The following LRRIQ3 variants were observed in gnomAD, a reference collection of about 807,000 sequenced individuals.
The protein encoded by LRRIQ3 is leucine rich repeats and IQ motif containing 3, also known as leucine-rich repeat and IQ domain-containing protein 3.
LRRIQ3 carries 75 observed loss-of-function variants against 59.3 expected under a neutral mutation model. That is an observed-to-expected ratio of 1.26 (90% confidence interval 1.05 to 1.53). The LOEUF is 1.53. Among genes scored for constraint, LRRIQ3 ranks in the 40% most tolerant of loss-of-function variants. The pLI, the probability that LRRIQ3 is intolerant of heterozygous loss-of-function variation, is 0.00. For synonymous variants in LRRIQ3, 250 were observed against 231.3 expected, an observed-to-expected ratio of 1.08 and a Z score of -0.73; for missense variants, 831 against 710.0, an observed-to-expected ratio of 1.17 and a Z score of -1.94.
chr1:74,197,553 CAT>C (rs1651277025), intron 1 of LRRIQ3, among the ~76,000 whole-genome samples: 1 of 152,076 alleles, frequency 6.6e-6, no homozygotes, highest in Non-Finnish European at 1.5e-5. Context: ...GATTAATCTG[CAT>C]ATACAAAAGA....
At chr1:74,123,070 T>C (rs1646883146) in intron 4 of LRRIQ3, among the ~76,000 whole-genome samples, 1 of 152,170 alleles carries the variant, frequency 6.6e-6, no homozygotes, top group Admixed American at 6.6e-5. Context: ...GAGCTAAAAA[T>C]TAAAAGCATT....
chr1:74,038,886 C>G (rs1653956626), intron 7 of LRRIQ3, among the ~76,000 whole-genome samples: 1 of 152,144 alleles, frequency 6.6e-6, no homozygotes. Flanking sequence ...TGAAAAAATG[C>G]TGCAAAACCA....
intron 4 of LRRIQ3, among the ~76,000 whole-genome samples, chr1:74,132,343 T>A (rs1301491780): frequency 6.6e-6 from 1 of 152,066 alleles, no homozygotes; most frequent in Admixed American, 6.6e-5. Flanking sequence ...AAACTACCAA[T>A]GACTTTCTTG....
At chr1:74,036,402 T>A (rs1480694043) in intron 7 of LRRIQ3, among the ~76,000 whole-genome samples, 1 of 152,210 alleles carries the variant, frequency 6.6e-6, no homozygotes, top group Non-Finnish European at 1.5e-5. Flanking sequence ...TTTGTTCCAA[T>A]CATACTTCTA....
At chr1:74,115,130 A>G (rs187988662) in intron 4 of LRRIQ3, among the ~76,000 whole-genome samples, 31 of 152,100 alleles carry the variant, frequency 2.0e-4, no homozygotes, top group Admixed American at 3.9e-4. Context: ...TTAAAACCTA[A>G]TTTTTATCTC....
chr1:74,164,548 T>C (rs1277000430), intron 3 of LRRIQ3, among the ~76,000 whole-genome samples: 1 of 151,540 alleles, frequency 6.6e-6, no homozygotes, highest in Non-Finnish European at 1.5e-5. Flanking sequence ...TGGTACTTTG[T>C]TATGGCAGCC....
At chr1:74,098,911 A>G (rs1189761587) in intron 5 of LRRIQ3, among the ~76,000 whole-genome samples, 2 of 152,230 alleles carry the variant, frequency 1.3e-5, no homozygotes, top group Non-Finnish European at 2.9e-5. Flanking sequence ...AGCAGTGTTT[A>G]GAGGGAAATT....
At chr1:74,133,373 A>G (rs1465177115) in intron 4 of LRRIQ3, among the ~76,000 whole-genome samples, 1 of 152,142 alleles carries the variant, frequency 6.6e-6, no homozygotes, top group Admixed American at 6.6e-5. Context: ...TATATACCCA[A>G]AGGATTATAA....
chr1:74,126,985 C>A (rs760843757), intron 4 of LRRIQ3, among the ~76,000 whole-genome samples: 6 of 151,826 alleles, frequency 4.0e-5, no homozygotes, highest in Non-Finnish European at 5.9e-5. Flanking sequence ...TGTGGTCTAG[C>A]TCCCTCTTTT....
At chr1:74,129,847 T>C (rs1395210737) in intron 4 of LRRIQ3, among the ~76,000 whole-genome samples, 1 of 151,956 alleles carries the variant, frequency 6.6e-6, no homozygotes, top group Non-Finnish European at 1.5e-5. Context: ...CAGTGGATTC[T>C]CTTCTGGCCC....
At chr1:74,066,216 CCCATACCTTA>C (rs1654863021) in intron 6 of LRRIQ3, among the ~76,000 whole-genome samples, 3 of 149,498 alleles carry the variant, frequency 2.0e-5, no homozygotes, top group Non-Finnish European at 3.0e-5. Context: ...TAAAAATGTA[CCCATACCTTA>C]ATATTTTCTA....
chr1:74,092,449 G>T (rs1019460857), intron 5 of LRRIQ3, among the ~76,000 whole-genome samples: 1 of 152,036 alleles, frequency 6.6e-6, no homozygotes, highest in African/African-American at 2.4e-5. Flanking sequence ...GAGATTGGGT[G>T]ACCAGTGATA....
intron 4 of LRRIQ3, among the ~76,000 whole-genome samples, chr1:74,138,169 A>AC (rs1373618701): frequency 8.1e-4 from 123 of 151,924 alleles, no homozygotes; most frequent in East Asian, 3.1e-3. Flanking sequence ...CAAACAAAAA[A>AC]AAAAAACAAA....
At chr1:74,168,020 T>C (rs1017338952) in intron 3 of LRRIQ3, among the ~76,000 whole-genome samples, 1 of 152,064 alleles carries the variant, frequency 6.6e-6, no homozygotes, top group African/African-American at 2.4e-5. Flanking sequence ...ATAGTCTGTA[T>C]AGAATTTCAT....
At chr1:74,149,242 G>GT (rs1337496331) in intron 4 of LRRIQ3, among the ~76,000 whole-genome samples, 5 of 152,096 alleles carry the variant, frequency 3.3e-5, no homozygotes, top group Non-Finnish European at 7.4e-5. Context: ...GGAAATTTAC[G>GT]TAAGATGGCA....
Position 74,155,767 on chromosome 1 carries a change from A to G in LRRIQ3, c.673T>C (p.Trp225Arg), listed in dbSNP as rs765492647. ...HNSPVLIVQR[W>R]IRGFLVRKNL... The stretch of plus-strand genomic sequence containing the variant: ...TTTCTAACTAAGAAACCACGTATCC[A>G]TCTTTGAACAATCAAAACTGGTGAA... Residue 225 changes from tryptophan to arginine, a missense_variant, in exon 4 of 8, where the codon TGG (tryptophan) becomes CGG (arginine). Physicochemically the swap from Trp to Arg is moderately radical, Grantham distance 101. Coordinates refer to ENST00000354431, the MANE Select transcript of LRRIQ3 (RefSeq NM_001105659.2). The G allele has an allele frequency of 6.3e-7, 1 of 1,579,312 alleles. No homozygotes were observed. The highest frequency in any genetic ancestry group is 1.2e-5 in the South Asian group (1 of 82,382).
At chr1:74,029,983 C>T in intron 7 of LRRIQ3, among the ~76,000 whole-genome samples, 1 of 151,402 alleles carries the variant, frequency 6.6e-6, no homozygotes, top group East Asian at 1.9e-4. Flanking sequence ...AGTTTATTTG[C>T]TCAGAGAGCC....
intron 3 of LRRIQ3, among the ~76,000 whole-genome samples, chr1:74,166,894 C>T (rs906710471): frequency 2.0e-5 from 3 of 151,884 alleles, no homozygotes; most frequent in Admixed American, 6.6e-5. Flanking sequence ...ATCAAAACCA[C>T]AAGGTGATAT....
At chr1:74,054,034 C>G (rs1251879219) in intron 6 of LRRIQ3, among the ~76,000 whole-genome samples, 2 of 152,096 alleles carry the variant, frequency 1.3e-5, no homozygotes, top group African/African-American at 2.4e-5. Flanking sequence ...GAATTGAAAA[C>G]TTTGAAAACT....
Sources: gnomAD v4.1 joint callset for allele counts (sites outside exome capture counted in the v4.1 genomes callset) on GRCh38, gnomAD v4.1.1 for gene constraint, MANE v1.5 for transcripts, NCBI Gene and HGNC (gene_info 2026-07-23, HGNC 2026-07-21) for gene names.